DUSP22: variants seen among roughly 807,000 people sequenced by gnomAD.
DUSP22 encodes the protein dual specificity phosphatase 22.
Under a neutral mutation model 24.5 loss-of-function variants are expected in DUSP22, and 24 were observed. The ratio of observed to expected loss-of-function variants is 0.98; its 90% confidence interval spans 0.71 to 1.38. The LOEUF is 1.38. Ranked by LOEUF, DUSP22 falls within the 40% of genes most tolerant of loss-of-function variation. DUSP22 has a pLI of 0.00. For missense variants in DUSP22, 330 were observed against 269.2 expected (o/e 1.23, Z -1.58); for synonymous variants, 160 against 106.4 (o/e 1.50, Z -3.10).
intron 3 of DUSP22, among the ~76,000 whole-genome samples, chr6:322,685 C>T (rs568080188): frequency 9.2e-5 from 14 of 152,410 alleles, no homozygotes; most frequent in East Asian, 1.9e-4. Context: ...AGAGCATCCA[C>T]GGAGGGAAAG....
chr6:341,711 C>T (rs1460568862), intron 4 of DUSP22, among the ~76,000 whole-genome samples: 2 of 152,310 alleles, frequency 1.3e-5, no homozygotes, highest in Non-Finnish European at 2.9e-5. Flanking sequence ...CAGCCCAGGC[C>T]CCCAACATGG....
intron 3 of DUSP22, among the ~76,000 whole-genome samples, chr6:331,300 TCTTTA>T (rs2127410888): frequency 6.6e-6 from 1 of 152,426 alleles, no homozygotes; most frequent in African/African-American, 2.4e-5. Context: ...ACCCATTTTA[TCTTTA>T]CTTTTTCAAA....
chr6:323,568 T>G, intron 3 of DUSP22, among the ~76,000 whole-genome samples: 1 of 152,306 alleles, frequency 6.6e-6, no homozygotes. Context: ...CTTGGCTCCT[T>G]CCGTGAGAGG....
intron 3 of DUSP22, among the ~76,000 whole-genome samples, chr6:331,039 A>G (rs1759119289): frequency 6.6e-6 from 1 of 152,306 alleles, no homozygotes; most frequent in Non-Finnish European, 1.5e-5. Context: ...TTAAAATGCC[A>G]TCATCGCTGC....
intron 3 of DUSP22, among the ~76,000 whole-genome samples, chr6:317,679 T>A (rs1030674928): frequency 6.6e-6 from 1 of 152,308 alleles, no homozygotes; most frequent in African/African-American, 2.4e-5. Context: ...TAAGTGTTCA[T>A]GGCCCACATC....
intron 2 of DUSP22, among the ~76,000 whole-genome samples, chr6:307,396 C>G (rs1268614274): frequency 3.3e-5 from 5 of 152,272 alleles, no homozygotes; most frequent in Non-Finnish European, 7.3e-5. Flanking sequence ...CACTCTGCAA[C>G]TCTTAAGAAA....
chr6:318,929 A>G (rs1758454597), intron 3 of DUSP22, among the ~76,000 whole-genome samples: 1 of 152,302 alleles, frequency 6.6e-6, no homozygotes, highest in African/African-American at 2.4e-5. Flanking sequence ...TAAGAAAAGG[A>G]AGCAAGTTAT....
chr6:333,324 T>G (rs1195950151), intron 3 of DUSP22, among the ~76,000 whole-genome samples: 1 of 152,308 alleles, frequency 6.6e-6, no homozygotes, highest in African/African-American at 2.4e-5. Context: ...AAGTGAGATG[T>G]TCCCATGTGG....
Position 311,905 on chromosome 6 carries a change from C to A in DUSP22, c.81C>A (p.Ser27Arg). 6.2e-7 allele frequency: 1 copy of A among 1,612,340 alleles called. No homozygotes were observed. The highest frequency in any genetic ancestry group is 8.5e-7 in the Non-Finnish European group (1 of 1,178,966). The stretch of plus-strand genomic sequence containing the variant: ...ATGCCAGAGACGCGGAACAATTGAG[C>A]AAGAACAAGGTGACACATATTCTGT... Reference protein sequence around the residue: ...FKDARDAEQLSKNKVTHILSV... With the variant: ...FKDARDAEQLRKNKVTHILSV... Residue 27 changes from serine to arginine, a missense_variant, in exon 3 of 7, where the codon AGC (serine) becomes AGA (arginine). Physicochemically the swap from Ser to Arg is moderately radical, Grantham distance 110 (BLOSUM62 -1). Coordinates refer to ENST00000419235, the MANE Select transcript of DUSP22 (RefSeq NM_001286555.3).
In DUSP22 at chr6:349,886, T is replaced by G. The variant is rs1300669478; in HGVS notation, c.*935T>G. ...AAGTTGGGTGCCCCAGGGCACCCCC[T>G]CCTCTCTGCTCCTTGCCAGCTTCAT... On this transcript the variant is annotated 3_prime_UTR_variant, in exon 7 of 7. Transcript: ENST00000419235. The G allele has an allele frequency of 1.0e-6, 1 of 985,948 alleles. No homozygotes were observed. The highest frequency in any genetic ancestry group is 1.2e-6 in the Non-Finnish European group (1 of 830,280). 61.1% of individuals were successfully genotyped at this position (985,948 alleles called of 1,614,324 possible).
intron 2 of DUSP22, among the ~76,000 whole-genome samples, chr6:310,187 C>G (rs1758010169): frequency 6.6e-6 from 1 of 152,306 alleles, no homozygotes; most frequent in Non-Finnish European, 1.5e-5. Flanking sequence ...TCTCACACTC[C>G]TGACCTCAGG....
At chr6:320,207 C>T (rs966136014) in intron 3 of DUSP22, 6 of 152,850 alleles carry the variant, frequency 3.9e-5, no homozygotes, top group Admixed American at 3.9e-4. Context: ...TGTCCTTCAG[C>T]TGGGGACCTT....
intron 4 of DUSP22, among the ~76,000 whole-genome samples, chr6:340,362 C>T (rs925474182): frequency 6.6e-6 from 1 of 152,306 alleles, no homozygotes; most frequent in African/African-American, 2.4e-5. Flanking sequence ...GGGGCTTCAC[C>T]ATCAGCCTTC....
At chr6:307,562 G>A (rs1581151655) in intron 2 of DUSP22, among the ~76,000 whole-genome samples, 1 of 152,308 alleles carries the variant, frequency 6.6e-6, no homozygotes, top group Non-Finnish European at 1.5e-5. Context: ...GATGCAGCAG[G>A]CAGCCTTGCC....
chr6:298,739 A>G (rs1200921911), intron 1 of DUSP22, among the ~76,000 whole-genome samples: 1 of 152,310 alleles, frequency 6.6e-6, no homozygotes, highest in Non-Finnish European at 1.5e-5. Flanking sequence ...GACCTGCGGA[A>G]TGCCAGAGAC....
chr6:344,180 C>A (rs565949594), intron 4 of DUSP22, among the ~76,000 whole-genome samples: 1 of 150,794 alleles, frequency 6.6e-6, no homozygotes. Flanking sequence ...ACTCCCTGAA[C>A]GGTTAGGGGG....
intron 4 of DUSP22, 96 bp downstream of exon 4, chr6:335,259 C>A: frequency 6.7e-7 from 1 of 1,484,530 alleles, no homozygotes; most frequent in Non-Finnish European, 9.4e-7. Flanking sequence ...GTTGTCAGAG[C>A]TCACGGGACC....
At chr6:298,630 G>A (rs141226199) in intron 1 of DUSP22, among the ~76,000 whole-genome samples, 17 of 152,426 alleles carry the variant, frequency 1.1e-4, no homozygotes, top group South Asian at 2.1e-4. Context: ...ACCATCAAGC[G>A]TGGAGAATCT....
chr6:292,808 G>C (rs919544266), intron 1 of DUSP22, among the ~76,000 whole-genome samples: 1 of 152,260 alleles, frequency 6.6e-6, no homozygotes, highest in Non-Finnish European at 1.5e-5. Context: ...GTGCGTTTTC[G>C]TGGCTGAAAC....
Sources: gnomAD v4.1 joint callset for allele counts (sites outside exome capture counted in the v4.1 genomes callset) on GRCh38, gnomAD v4.1.1 for gene constraint, MANE v1.5 for transcripts, NCBI Gene and HGNC (gene_info 2026-07-23, HGNC 2026-07-21) for gene names.